The following SLC2A9 variants were observed in gnomAD, a reference collection of about 807,000 sequenced individuals.
SLC2A9 encodes the protein solute carrier family 2, facilitated glucose transporter member 9.
A neutral mutation model predicts 50.6 loss-of-function variants in SLC2A9; 39 were observed. The observed-to-expected ratio is 0.77, with a 90% CI of 0.60 to 1.01. SLC2A9 has a LOEUF of 1.01. Ranked by LOEUF, SLC2A9 falls within the 50% of genes least tolerant of loss-of-function variation. The pLI is 0.00. For synonymous variants in SLC2A9, 324 were observed against 276.9 expected, an observed-to-expected ratio of 1.17 and a Z score of -1.69; for missense variants, 686 against 677.6, an observed-to-expected ratio of 1.01 and a Z score of -0.14.
downstream of SLC2A9, among the ~76,000 whole-genome samples, chr4:9,776,380 A>G (rs574033339): frequency 1.3e-5 from 2 of 152,014 alleles, no homozygotes; most frequent in Admixed American, 6.6e-5. Flanking sequence ...TTCAGCCTGG[A>G]TACCCCACTG....
chr4:9,929,218 G>T (rs1338502999), intron 6 of SLC2A9, among the ~76,000 whole-genome samples: 1 of 152,242 alleles, frequency 6.6e-6, no homozygotes, highest in East Asian at 1.9e-4. Context: ...CACTTTGCAG[G>T]TGAGAAGATG....
Position 9,838,958 on chromosome 4 carries a change from C to T in SLC2A9, c.1292-3950G>A, listed in dbSNP as rs563769743. On this transcript the variant is annotated intron_variant, in intron 10 of 11. Coordinates refer to ENST00000264784, the MANE Select transcript of SLC2A9 (RefSeq NM_020041.3). ...ATAGGCACAGGCAAAGATTTCATGA[C>T]GAGAACACCAAAAGCAATTGCAACA... Among the ~76,000 whole-genome samples the T allele has an allele frequency of 4.7e-4, 72 of 152,232 alleles. 1 individual carries two copies. In the South Asian group the frequency reaches 0.014, roughly 29 times the overall value.
chr4:9,962,164 C>T (rs1752365486), intron 5 of SLC2A9, among the ~76,000 whole-genome samples: 1 of 152,144 alleles, frequency 6.6e-6, no homozygotes, highest in Non-Finnish European at 1.5e-5. Context: ...TGTGGCAATT[C>T]CTCAAAGACC....
intron 10 of SLC2A9, among the ~76,000 whole-genome samples, chr4:9,847,663 G>C (rs1267267859): frequency 6.6e-6 from 1 of 152,196 alleles, no homozygotes; most frequent in Non-Finnish European, 1.5e-5. Context: ...GTCAGCATCT[G>C]AGGTCCACTG....
intron 7 of SLC2A9, among the ~76,000 whole-genome samples, chr4:9,913,108 C>G (rs1742152165): frequency 6.6e-6 from 1 of 152,180 alleles, no homozygotes; most frequent in Admixed American, 6.5e-5. Flanking sequence ...GCCTTGCCAA[C>G]ACCTTGATTT....
chr4:9,780,521 G>A (rs1718199208), intron 3 of SLC2A9, among the ~76,000 whole-genome samples: 1 of 152,300 alleles, frequency 6.6e-6, no homozygotes, highest in Non-Finnish European at 1.5e-5. Flanking sequence ...TTGGTCCAGG[G>A]TACAGGTGCG....
chr4:9,945,551 C>G (rs1164570053), intron 5 of SLC2A9, among the ~76,000 whole-genome samples: 1 of 152,194 alleles, frequency 6.6e-6, no homozygotes, highest in Non-Finnish European at 1.5e-5. Context: ...GAGGCCACAA[C>G]TCGGTCATAG....
intron 3 of SLC2A9, among the ~76,000 whole-genome samples, chr4:9,799,692 A>ACCCCCCCCCCCCCCCCCCCCC (rs57223650): frequency 3.6e-4 from 25 of 69,858 alleles, no homozygotes; most frequent in Admixed American, 1.4e-3. Flanking sequence ...TTCCAATTGT[A>ACCCCCCCCCCCCCCCCCCCCC]CCCCCCCCCC....
chr4:9,887,731 T>C, intron 9 of SLC2A9, 89 bp from the exon 10 acceptor site: 1 of 1,107,992 alleles, frequency 9.0e-7, no homozygotes, highest in Non-Finnish European at 1.2e-6. Flanking sequence ...TCCATCCATC[T>C]GTGTGACCTT....
chr4:10,016,688 T>G (rs1392401701), intron 2 of SLC2A9, among the ~76,000 whole-genome samples: 2 of 152,042 alleles, frequency 1.3e-5, no homozygotes, highest in Non-Finnish European at 2.9e-5. Flanking sequence ...ACCAAAGTTG[T>G]TTTTCTAAAA....
intron 3 of SLC2A9, among the ~76,000 whole-genome samples, chr4:9,820,562 A>G (rs1724260773): frequency 1.3e-5 from 2 of 152,242 alleles, no homozygotes; most frequent in South Asian, 4.1e-4. Context: ...AAAGTCATTC[A>G]TTCAGTGAAC....
chr4:9,771,428 A>T, intron 1 of SLC2A9: 2 of 398,610 alleles, frequency 5.0e-6, no homozygotes, highest in Non-Finnish European at 8.9e-6. Context: ...TGACAAGGAG[A>T]TCTGCAGCAC....
intron 1 of SLC2A9, among the ~76,000 whole-genome samples, chr4:10,031,856 T>A (rs1661450015): frequency 6.6e-6 from 1 of 152,046 alleles, no homozygotes; most frequent in Non-Finnish European, 1.5e-5. Flanking sequence ...TTAGCCACTG[T>A]CCCCTGGGAA....
At chr4:9,863,003 G>T (rs1299408459) in intron 10 of SLC2A9, among the ~76,000 whole-genome samples, 3 of 152,030 alleles carry the variant, frequency 2.0e-5, no homozygotes, top group African/African-American at 7.3e-5. Flanking sequence ...CACAATGAAT[G>T]TGCCCCGCCC....
chr4:9,976,014 C>A (rs1754734551), intron 5 of SLC2A9, among the ~76,000 whole-genome samples: 1 of 152,144 alleles, frequency 6.6e-6, no homozygotes, highest in African/African-American at 2.4e-5. Context: ...CCAAACACTG[C>A]ATGTTCTCAC....
chr4:9,861,708 T>C (rs1478654360), intron 10 of SLC2A9, among the ~76,000 whole-genome samples: 2 of 46,134 alleles, frequency 4.3e-5, no homozygotes, highest in African/African-American at 3.4e-4. Flanking sequence ...GATAAGTGAA[T>C]GAATGAATGA....
chr4:9,790,147 C>A (rs780918872), intron 3 of SLC2A9, among the ~76,000 whole-genome samples: 3 of 152,154 alleles, frequency 2.0e-5, no homozygotes, highest in Non-Finnish European at 4.4e-5. Flanking sequence ...CCTGGAGAAC[C>A]CCCCTTTTGG....
At chr4:9,857,325 G>C (rs759257618) in intron 10 of SLC2A9, among the ~76,000 whole-genome samples, 10 of 152,150 alleles carry the variant, frequency 6.6e-5, no homozygotes, top group African/African-American at 2.4e-4. Context: ...TTCCTGCTTG[G>C]AGGGGGCGCA....
At chr4:9,963,627 G>C (rs1479090150) in intron 5 of SLC2A9, among the ~76,000 whole-genome samples, 2 of 152,162 alleles carry the variant, frequency 1.3e-5, no homozygotes, top group African/African-American at 4.8e-5. Context: ...TGGCAGGAGA[G>C]AGGGCCTCTC....
Sources: gnomAD v4.1 joint callset for allele counts (sites outside exome capture counted in the v4.1 genomes callset) on GRCh38, gnomAD v4.1.1 for gene constraint, MANE v1.5 for transcripts, NCBI Gene and HGNC (gene_info 2026-07-23, HGNC 2026-07-21) for gene names.